ALMS1: variants seen among roughly 807,000 people sequenced by gnomAD.
ALMS1 encodes ALMS1 centrosome and basal body associated protein.
Under a neutral mutation model 352.2 loss-of-function variants are expected in ALMS1, and 271 were observed. The ratio of observed to expected loss-of-function variants is 0.77; its 90% CI spans 0.70 to 0.85. The LOEUF (loss-of-function observed/expected upper bound fraction) is 0.85, where lower values mean the gene tolerates loss of function less well. ALMS1 is among the 40% of genes least tolerant of loss of function. ALMS1 has a pLI of 0.00. For missense variants in ALMS1, 5,445 were observed against 4,870.7 expected, an observed-to-expected ratio of 1.12 and a Z score of -3.51; for synonymous variants, 1,865 against 1,761.2, an observed-to-expected ratio of 1.06 and a Z score of -1.48.
chr2:73,484,901 C>T, intron 9 of ALMS1, among the ~76,000 whole-genome samples: 1 of 152,190 alleles, frequency 6.6e-6, no homozygotes, highest in Admixed American at 6.5e-5. Context: ...TCACATAGTT[C>T]TCGAGCCTTG....
At chr2:73,572,208 A>T (rs1674943310) in intron 15 of ALMS1, 54 bp from the exon 16 acceptor site, 1 of 1,450,248 alleles carries the variant, frequency 6.9e-7, no homozygotes, top group Non-Finnish European at 9.5e-7. Context: ...TAGTATTTCT[A>T]AACAGAATGC....
chr2:73,534,997 G>A (rs940634628), intron 12 of ALMS1, 48 bp downstream of exon 12: 2 of 1,608,876 alleles, frequency 1.2e-6, no homozygotes, highest in South Asian at 2.2e-5. Flanking sequence ...TATTTTATTT[G>A]TGTATTGGCT....
chr2:73,603,449 G>C, intron 21 of ALMS1, 145 bp downstream of exon 21: 1 of 707,884 alleles, frequency 1.4e-6, no homozygotes, highest in Non-Finnish European at 2.4e-6. Context: ...CTCACTTATG[G>C]CACTGAAAAA....
intron 10 of ALMS1, among the ~76,000 whole-genome samples, chr2:73,504,601 T>C (rs1246457286): frequency 6.6e-6 from 1 of 152,238 alleles, no homozygotes; most frequent in East Asian, 1.9e-4. Flanking sequence ...AACTTGTGTG[T>C]ATCAGTAGTT....
At chr2:73,398,415 G>A (rs764002992) in intron 1 of ALMS1, among the ~76,000 whole-genome samples, 2 of 152,148 alleles carry the variant, frequency 1.3e-5, no homozygotes, top group Non-Finnish European at 2.9e-5. Flanking sequence ...GGTAGTGTCA[G>A]TCCTCCAATT....
chr2:73,439,711 T>A (rs1444881925), intron 7 of ALMS1, among the ~76,000 whole-genome samples: 1 of 151,926 alleles, frequency 6.6e-6, no homozygotes, highest in Non-Finnish European at 1.5e-5. Flanking sequence ...AGGCTAATTT[T>A]TGTATTTTTA....
At chr2:73,441,280 A>G (rs1274230259) in intron 7 of ALMS1, among the ~76,000 whole-genome samples, 2 of 152,052 alleles carry the variant, frequency 1.3e-5, no homozygotes, top group East Asian at 1.9e-4. Flanking sequence ...TTCCCATTCA[A>G]TTTTTGCCAG....
intron 15 of ALMS1, among the ~76,000 whole-genome samples, chr2:73,560,475 A>G (rs996395836): frequency 1.3e-5 from 2 of 152,188 alleles, no homozygotes; most frequent in Non-Finnish European, 2.9e-5. Flanking sequence ...ATTATGGAAA[A>G]TATTATGGAG....
chr2:73,454,613 A>T (rs1418492646), intron 8 of ALMS1, among the ~76,000 whole-genome samples: 1 of 152,226 alleles, frequency 6.6e-6, no homozygotes, highest in Non-Finnish European at 1.5e-5. Flanking sequence ...AGAGGTTTAA[A>T]AGAGAATATT....
At chr2:73,466,241 C>T (rs1001924046) in intron 9 of ALMS1, among the ~76,000 whole-genome samples, 1 of 151,998 alleles carries the variant, frequency 6.6e-6, no homozygotes, top group Admixed American at 6.6e-5. Flanking sequence ...ACCCAAATGT[C>T]CAAGAATGAT....
At chr2:73,524,988 G>A (rs1280074504) in intron 11 of ALMS1, among the ~76,000 whole-genome samples, 1 of 152,128 alleles carries the variant, frequency 6.6e-6, no homozygotes, top group Non-Finnish European at 1.5e-5. Flanking sequence ...GAGAACATGT[G>A]AAGTTTCTGT....
intron 11 of ALMS1, among the ~76,000 whole-genome samples, chr2:73,529,654 A>G (rs978328322): frequency 3.9e-5 from 6 of 152,184 alleles, no homozygotes; most frequent in Non-Finnish European, 8.8e-5. Context: ...AAGCCTAGTA[A>G]CACTGTGGCT....
chr2:73,509,485 C>T (rs1673405135), intron 10 of ALMS1, among the ~76,000 whole-genome samples: 1 of 152,156 alleles, frequency 6.6e-6, no homozygotes, highest in South Asian at 2.1e-4. Context: ...ATTTACCTGT[C>T]TGTAAAGGAT....
intron 12 of ALMS1, 85 bp downstream of exon 12, chr2:73,535,034 A>G (rs1673998471): frequency 6.5e-7 from 1 of 1,545,586 alleles, no homozygotes; most frequent in Non-Finnish European, 8.9e-7. Flanking sequence ...ACAAAAGTCC[A>G]GTGCTCTTTA....
intron 1 of ALMS1, among the ~76,000 whole-genome samples, chr2:73,389,785 G>A (rs909993539): frequency 2.0e-5 from 3 of 152,050 alleles, no homozygotes; most frequent in Admixed American, 1.3e-4. Flanking sequence ...TGCCTCCTGG[G>A]TTCAAGCAAT....
In ALMS1 at chr2:73,454,056, T is replaced by G; in HGVS notation, c.7529T>G (p.Val2510Gly). The G allele has an allele frequency of 6.2e-7, 1 of 1,610,524 alleles. No individual in the cohort carries two copies. Among genetic ancestry groups the G allele is most frequent in the Non-Finnish European group, 8.5e-7 (1 of 1,178,220 alleles). The change falls in exon 8 of 23, where the codon GTA becomes GGA. Residue 2510 changes from valine (V) to glycine (G), a missense_variant. Coordinates refer to ENST00000613296, the MANE Select transcript of ALMS1 (RefSeq NM_001378454.1). ...AATGCAGAGGAAGAGGAAAGCCGGG[T>G]ACGAGCACATGGTAAGAAGAAAGTT... ...LRNAEEEESR[V>G]RAHAWNMKFN...
In ALMS1 at chr2:73,602,257, G is replaced by C. The variant is rs1675711670; in HGVS notation, c.12187G>C (p.Val4063Leu). 6.2e-7 allele frequency: 1 copy of C among 1,614,026 alleles called. No homozygotes were observed. The highest frequency in any genetic ancestry group is 1.7e-5 in the Admixed American group (1 of 60,008). Residue 4063 changes from valine (V) to leucine (L), a missense_variant, in exon 20 of 23, where the codon GTC becomes CTC. Physicochemically the swap from Val to Leu is conservative, Grantham distance 32. Coordinates refer to ENST00000613296, the MANE Select transcript of ALMS1 (RefSeq NM_001378454.1). The part of the protein sequence containing the change: ...GERIKRLKLI[V>L]QERKLQSMLQ... Reference sequence around the variant, plus strand: ...GCGGATAAAGCGCCTGAAGTTAATAGTCCAGGAGAGGAAGCTGCAGAGCAT... The same window carrying C: ...GCGGATAAAGCGCCTGAAGTTAATACTCCAGGAGAGGAAGCTGCAGAGCAT...
chr2:73,434,217 C>T (rs560948720), intron 7 of ALMS1, among the ~76,000 whole-genome samples: 4 of 151,946 alleles, frequency 2.6e-5, no homozygotes, highest in African/African-American at 9.6e-5. Context: ...TTGATTTAAG[C>T]TCTTTCTTCT....
At chr2:73,510,004 G>A (rs1438434581) in intron 10 of ALMS1, among the ~76,000 whole-genome samples, 2 of 152,070 alleles carry the variant, frequency 1.3e-5, no homozygotes, top group Admixed American at 6.6e-5. Context: ...CCACTTGGTC[G>A]ATTCAGCTAT....
Sources: allele counts gnomAD v4.1 joint callset (sites outside exome capture counted in the v4.1 genomes callset), GRCh38; gene constraint gnomAD v4.1.1; transcripts MANE v1.5; gene names NCBI Gene and HGNC (gene_info 2026-07-23, HGNC 2026-07-21).